TRPM6: variants seen among roughly 807,000 people sequenced by gnomAD.
TRPM6 encodes the protein transient receptor potential cation channel subfamily M member 6.
In TRPM6, 111 loss-of-function variants were observed where a neutral mutation model predicts 247.6. That is an observed-to-expected ratio of 0.45 (90% CI 0.38 to 0.52). The LOEUF (loss-of-function observed/expected upper bound fraction) is 0.52. Among genes scored for constraint, TRPM6 ranks in the 20% least tolerant of loss-of-function variants. The pLI, the probability that TRPM6 is intolerant of heterozygous loss-of-function variation, is 0.00. For synonymous variants in TRPM6, 892 were observed against 853.8 expected, an observed-to-expected ratio of 1.04 and a Z score of -0.78; for missense variants, 2,126 against 2,421.5, an observed-to-expected ratio of 0.88 and a Z score of 2.56.
intron 13 of TRPM6, among the ~76,000 whole-genome samples, chr9:74,810,345 G>A (rs1828686920): frequency 6.6e-6 from 1 of 152,160 alleles, no homozygotes; most frequent in Admixed American, 6.6e-5. Flanking sequence ...ATAGAACAGG[G>A]AGGGGAACCA....
intron 1 of TRPM6, among the ~76,000 whole-genome samples, chr9:74,874,551 G>A (rs79477428): frequency 0.013 from 1,995 of 152,140 alleles, 39 homozygotes; most frequent in African/African-American, 0.044. Flanking sequence ...CATTTTCACT[G>A]GGTTTTGATG....
intron 1 of TRPM6, among the ~76,000 whole-genome samples, chr9:74,871,232 G>C (rs990796552): frequency 2.6e-5 from 4 of 152,064 alleles, no homozygotes; most frequent in African/African-American, 9.7e-5. Flanking sequence ...AAGTACATCA[G>C]GTGATACAGG....
At chr9:74,732,970 G>A (rs1825573641) in intron 36 of TRPM6, among the ~76,000 whole-genome samples, 1 of 152,136 alleles carries the variant, frequency 6.6e-6, no homozygotes, top group Admixed American at 6.5e-5. Flanking sequence ...GAGGTGGGCA[G>A]ATGACCTGAG....
In TRPM6 at chr9:74,740,005, T is replaced by A. The variant is rs755499574; in HGVS notation, c.5205A>T (p.Gly1735=). ...CCAACCTGTAGACAGTTATTTCTTCTCCTGCTGCAAAGAGAAGTGAAGGCT... is the reference window on the plus strand; with the variant it reads ...CCAACCTGTAGACAGTTATTTCTTCACCTGCTGCAAAGAGAAGTGAAGGCT... ...IPFTPVQLFA[G]EEITVYRLEE... is the part of the protein sequence containing the mutation. Residue 1735 remains glycine, a synonymous_variant, in exon 34 of 39, where the codon GGA becomes GGT. Coordinates refer to ENST00000360774, the MANE Select transcript of TRPM6 (RefSeq NM_017662.5). 1 of 1,613,950 alleles carries A rather than the reference T, an allele frequency of 6.2e-7. No homozygotes were observed. The highest frequency in any genetic ancestry group is 8.5e-7 in the Non-Finnish European group (1 of 1,179,994).
At chr9:74,790,073 T>C (rs567953067) in intron 19 of TRPM6, among the ~76,000 whole-genome samples, 7 of 151,100 alleles carry the variant, frequency 4.6e-5, no homozygotes, top group African/African-American at 1.5e-4. Context: ...TTAACCTTGA[T>C]TCCTATTTCT....
At chr9:74,835,938 T>C (rs980365058) in intron 5 of TRPM6, among the ~76,000 whole-genome samples, 4 of 152,196 alleles carry the variant, frequency 2.6e-5, no homozygotes, top group African/African-American at 9.6e-5. Flanking sequence ...TTACAATTGA[T>C]GACCCTACAT....
chr9:74,881,723 T>C (rs2118531654), intron 1 of TRPM6, among the ~76,000 whole-genome samples: 1 of 152,254 alleles, frequency 6.6e-6, no homozygotes, highest in East Asian at 1.9e-4. Context: ...ATCAAAATCA[T>C]ATCATGTATC....
At chr9:74,767,012 C>G (rs1826850634) in intron 25 of TRPM6, among the ~76,000 whole-genome samples, 1 of 152,146 alleles carries the variant, frequency 6.6e-6, no homozygotes, top group South Asian at 2.1e-4. Context: ...GTGGCATTGA[C>G]CACTGCCTTC....
chr9:74,866,032 G>A (rs1414065630), intron 1 of TRPM6, among the ~76,000 whole-genome samples: 1 of 152,194 alleles, frequency 6.6e-6, no homozygotes, highest in East Asian at 1.9e-4. Flanking sequence ...CAGGCATGGT[G>A]GCTCACGCCT....
chr9:74,729,931 G>T (rs958254732), intron 37 of TRPM6, among the ~76,000 whole-genome samples: 1 of 152,132 alleles, frequency 6.6e-6, no homozygotes, highest in African/African-American at 2.4e-5. Flanking sequence ...TAAGTTAAAT[G>T]ATTTCCCTCT....
In TRPM6 at chr9:74,738,480, C is replaced by T. The variant is rs1022765278; in HGVS notation, c.5703G>A (p.Glu1901=). Residue 1901 remains glutamate (E), a synonymous_variant, in exon 36 of 39, where the codon GAG becomes GAA. Transcript: ENST00000360774. ...GDEITPTNTL[E]ELMLAFSHWT... Reference sequence around the variant, plus strand: ...AGTGAGAGAAAGCCAACATCAGCTCCTCCAGGGTGTTGGTGGGGGTGATTT... The same window carrying T: ...AGTGAGAGAAAGCCAACATCAGCTCTTCCAGGGTGTTGGTGGGGGTGATTT... 6.8e-6 allele frequency: 11 copies of T among 1,614,146 alleles called. No individual in the cohort carries two copies. The highest frequency in any genetic ancestry group is 9.3e-6 in the Non-Finnish European group (11 of 1,179,992).
At chr9:74,827,731 A>T in intron 7 of TRPM6, 47 bp downstream of exon 7, 1 of 1,600,866 alleles carries the variant, frequency 6.2e-7, no homozygotes, top group Non-Finnish European at 8.6e-7. Flanking sequence ...GAAAGACCTC[A>T]GCAGGCCTGC....
At chr9:74,741,833 T>C (rs751341411) in intron 33 of TRPM6, among the ~76,000 whole-genome samples, 135 of 151,416 alleles carry the variant, frequency 8.9e-4, no homozygotes, top group Non-Finnish European at 1.7e-3. Context: ...GAGGTTAGAG[T>C]GAGCCAAGAT....
In TRPM6 at chr9:74,792,712, C is replaced by T; in HGVS notation, c.2450G>A (p.Gly817Asp). Residue 817 changes from glycine to aspartate, a missense_variant, in exon 19 of 39, where the codon GGT (glycine) becomes GAT (aspartate). Around this residue, in one of 3 missense-constraint regions of TRPM6, gnomAD observed 1,082 missense variants for 1,307.9 expected, o/e 0.83. Coordinates refer to ENST00000360774, the MANE Select transcript of TRPM6 (RefSeq NM_017662.5). Reference protein sequence around the residue: ...DEKLDENQHFGLESGHQHLPW... With the variant: ...DEKLDENQHFDLESGHQHLPW... ...AAGGTGTTGGTGCCCACTTTCCAAA[C>T]CAAAATGCTGATTTTCATCCAGTTT... The T allele has an allele frequency of 6.2e-7, 1 of 1,613,930 alleles. No homozygotes were observed. The highest frequency in any genetic ancestry group is 8.5e-7 in the Non-Finnish European group (1 of 1,179,832).
chr9:74,813,090 T>A (rs1459892020), intron 11 of TRPM6, among the ~76,000 whole-genome samples: 1 of 152,246 alleles, frequency 6.6e-6, no homozygotes, highest in East Asian at 1.9e-4. Context: ...CTTCTTCTTT[T>A]GTTTTTGTTA....
chr9:74,856,382 G>GT (rs1445638212), intron 2 of TRPM6, among the ~76,000 whole-genome samples: 12 of 152,192 alleles, frequency 7.9e-5, no homozygotes, highest in African/African-American at 2.9e-4. Flanking sequence ...CGAGGCTTCA[G>GT]TAAGCCAAGA....
At chr9:74,848,472 G>A (rs527310151) in intron 3 of TRPM6, among the ~76,000 whole-genome samples, 1 of 152,242 alleles carries the variant, frequency 6.6e-6, no homozygotes, top group Admixed American at 6.5e-5. Context: ...ACTCTGAATG[G>A]CACGCAATTT....
chr9:74,741,277 C>T (rs535707864), intron 33 of TRPM6, among the ~76,000 whole-genome samples: 1 of 152,018 alleles, frequency 6.6e-6, no homozygotes, highest in African/African-American at 2.4e-5. Flanking sequence ...AACTTCTGTC[C>T]AGCCCCAGCT....
chr9:74,820,260 T>G (rs1394100390), intron 9 of TRPM6, 44 bp downstream of exon 9: 4 of 1,598,064 alleles, frequency 2.5e-6, no homozygotes, highest in Non-Finnish European at 3.4e-6. Context: ...GTTTATAAAT[T>G]AGCAGTTCTT....
Sources: allele counts gnomAD v4.1 joint callset (sites outside exome capture counted in the v4.1 genomes callset), GRCh38; gene constraint gnomAD v4.1.1; regional missense constraint gnomAD v4.1.1; transcripts MANE v1.5; gene names NCBI Gene and HGNC (gene_info 2026-07-23, HGNC 2026-07-21).